HACD2: variants seen among roughly 807,000 people sequenced by gnomAD.
HACD2 encodes the protein very-long-chain (3R)-3-hydroxyacyl-CoA dehydratase 2.
A neutral mutation model predicts 31.0 loss-of-function variants in HACD2; 15 were observed. That is an observed-to-expected ratio of 0.48 (90% confidence interval 0.32 to 0.75). HACD2 has a LOEUF of 0.75. Ranked by LOEUF, HACD2 falls within the 30% of genes least tolerant of loss-of-function variation. The pLI, the probability that HACD2 is intolerant of heterozygous loss-of-function variation, is 0.03. For missense variants in HACD2, 283 were observed against 313.0 expected (o/e 0.90, Z 0.72); for synonymous variants, 115 against 122.2 (o/e 0.94, Z 0.39).
chr3:123,578,913 G>GA (rs1313610092), intron 2 of HACD2, among the ~76,000 whole-genome samples: 1 of 151,522 alleles, frequency 6.6e-6, no homozygotes, highest in Non-Finnish European at 1.5e-5. Context: ...GGTAGGCAAT[G>GA]AAAAACTCCT....
At chr3:123,550,644 C>G (rs2056610022) in intron 3 of HACD2, among the ~76,000 whole-genome samples, 1 of 152,074 alleles carries the variant, frequency 6.6e-6, no homozygotes, top group Non-Finnish European at 1.5e-5. Context: ...ACTAGCAGAT[C>G]CAGAGTACAG....
At chr3:123,546,628 G>A (rs543954922) in intron 3 of HACD2, among the ~76,000 whole-genome samples, 46 of 152,300 alleles carry the variant, frequency 3.0e-4, no homozygotes, top group African/African-American at 1.1e-3. Flanking sequence ...GGATAGTAGA[G>A]CAGAAAGACA....
rs1242403969 is a variant in HACD2 at position 123,491,581 on chromosome 3, G to A, written c.*3307C>T. ...TCAAATCCAGGCAGAGCACACACCA[G>A]TTTATTTTGAAATGCAACACAGATC... On this transcript the variant is annotated 3_prime_UTR_variant, in exon 7 of 7. Coordinates refer to ENST00000383657, the MANE Select transcript of HACD2 (RefSeq NM_198402.5). 6.6e-6 allele frequency: 1 copy of A among 152,582 alleles called. No individual in the cohort carries two copies. The highest frequency in any genetic ancestry group is 2.4e-5 in the African/African-American group (1 of 41,422). The allele number at this position is 152,582 out of a possible 1,614,324, so 9.5% of individuals were successfully genotyped here. A position where few individuals can be genotyped will look rare whatever the true frequency, so the allele number is the denominator to read the frequency against.
Position 123,567,752 on chromosome 3 carries a change from C to T in HACD2, c.292+10G>A. ...CACTGTACATAGTAGGGGGGAATAT[C>T]CATACTTACCTATAGCACAATGTAA... is the stretch of plus-strand genomic sequence containing the variant. On this transcript the variant is annotated intron_variant, in intron 3 of 6. Coordinates refer to ENST00000383657, the MANE Select transcript of HACD2 (RefSeq NM_198402.5). 6.8e-7 allele frequency: 1 copy of T among 1,464,254 alleles called. No individual in the cohort carries two copies. The highest frequency in any genetic ancestry group is 9.2e-7 in the Non-Finnish European group (1 of 1,092,730). 90.7% of individuals were successfully genotyped at this position (1,464,254 alleles called of 1,614,324 possible).
intron 3 of HACD2, among the ~76,000 whole-genome samples, chr3:123,561,965 C>T (rs796704236): frequency 2.0e-5 from 3 of 152,108 alleles, no homozygotes; most frequent in East Asian, 3.9e-4. Context: ...GCGCCTGCCA[C>T]CATGTCCAGC....
At chr3:123,531,511 A>G (rs1289513700) in intron 3 of HACD2, among the ~76,000 whole-genome samples, 2 of 151,914 alleles carry the variant, frequency 1.3e-5, no homozygotes. Flanking sequence ...TTAGAGGCGG[A>G]GTTTCAGGTC....
chr3:123,498,823 G>A (rs1487543034), intron 6 of HACD2, among the ~76,000 whole-genome samples: 2 of 152,142 alleles, frequency 1.3e-5, no homozygotes, highest in Non-Finnish European at 2.9e-5. Context: ...CCTCAGGAAC[G>A]CTATCATCAT....
intron 2 of HACD2, among the ~76,000 whole-genome samples, chr3:123,581,427 C>T (rs777222007): frequency 9.2e-5 from 14 of 152,140 alleles, no homozygotes; most frequent in Non-Finnish European, 1.3e-4. Context: ...CTAAGTAGGG[C>T]CAACCAGAAT....
chr3:123,546,682 G>A (rs2056563446), intron 3 of HACD2, among the ~76,000 whole-genome samples: 1 of 152,164 alleles, frequency 6.6e-6, no homozygotes, highest in African/African-American at 2.4e-5. Flanking sequence ...CTTGATTAAA[G>A]CCACAGTAGT....
chr3:123,568,626 A>G (rs1201383593), intron 2 of HACD2, among the ~76,000 whole-genome samples: 1 of 151,860 alleles, frequency 6.6e-6, no homozygotes, highest in East Asian at 1.9e-4. Flanking sequence ...GTCCTTCTAA[A>G]TCCCCTTCCA....
At chr3:123,515,843 C>A (rs1465273105) in intron 4 of HACD2, among the ~76,000 whole-genome samples, 1 of 151,794 alleles carries the variant, frequency 6.6e-6, no homozygotes, top group African/African-American at 2.4e-5. Flanking sequence ...GCAATCTCCG[C>A]CTCTCCAGTT....
chr3:123,526,383 A>C (rs1274473184), intron 4 of HACD2, among the ~76,000 whole-genome samples: 3 of 152,248 alleles, frequency 2.0e-5, no homozygotes, highest in Non-Finnish European at 2.9e-5. Flanking sequence ...GAAACGCTGA[A>C]GTCCAATTAC....
intron 3 of HACD2, among the ~76,000 whole-genome samples, chr3:123,531,934 A>G (rs1443078676): frequency 6.6e-6 from 1 of 152,120 alleles, no homozygotes; most frequent in Non-Finnish European, 1.5e-5. Flanking sequence ...CGAGGCTTAG[A>G]CCTTTTTTTA....
chr3:123,560,559 A>G (rs1279494548), intron 3 of HACD2, among the ~76,000 whole-genome samples: 1 of 152,014 alleles, frequency 6.6e-6, no homozygotes, highest in East Asian at 1.9e-4. Flanking sequence ...ACCACTAAAC[A>G]TGCTCCCAGG....
At chr3:123,499,593 C>T in intron 6 of HACD2, 1 of 455,394 alleles carries the variant, frequency 2.2e-6, no homozygotes, top group Non-Finnish European at 4.4e-6. Context: ...GTGATTCATT[C>T]CGATGATGCC....
At chr3:123,548,727 T>A (rs1255216346) in intron 3 of HACD2, among the ~76,000 whole-genome samples, 3 of 151,842 alleles carry the variant, frequency 2.0e-5, no homozygotes, top group African/African-American at 4.8e-5. Flanking sequence ...ACTCAAGCAA[T>A]CCTCCTGACT....
chr3:123,497,672 C>T (rs59618184), intron 6 of HACD2, among the ~76,000 whole-genome samples: 1 of 152,214 alleles, frequency 6.6e-6, no homozygotes, highest in Non-Finnish European at 1.5e-5. Flanking sequence ...CCTTAGACAT[C>T]TACTGAGTCC....
chr3:123,564,639 C>T (rs560249704), intron 3 of HACD2, among the ~76,000 whole-genome samples: 2 of 152,120 alleles, frequency 1.3e-5, no homozygotes, highest in Admixed American at 6.5e-5. Context: ...GTTCAGGTAT[C>T]GATGGGCATG....
chr3:123,544,124 A>G lies in HACD2; in HGVS notation c.293-15650T>C, dbSNP rs531637307. Among the ~76,000 whole-genome samples, 55 of 152,288 alleles carry G rather than the reference A, an allele frequency of 3.6e-4. 1 individual carries two copies. The highest frequency in any genetic ancestry group is 7.7e-4 in the African/African-American group (32 of 41,556). ...CCTGTACTAATACGGGGGTGGTGGC[A>G]GTGGTGGCGTTCCCCGAGTAGGAGG... On this transcript the variant is annotated intron_variant, in intron 3 of 6. Coordinates refer to ENST00000383657, the MANE Select transcript of HACD2 (RefSeq NM_198402.5).
Sources: gnomAD v4.1 joint callset for allele counts (sites outside exome capture counted in the v4.1 genomes callset) on GRCh38, gnomAD v4.1.1 for gene constraint, MANE v1.5 for transcripts, NCBI Gene and HGNC (gene_info 2026-07-23, HGNC 2026-07-21) for gene names.